The following MCF2L2 variants were observed in gnomAD, a reference collection of about 807,000 sequenced individuals.
MCF2L2 encodes MCF.2 cell line derived transforming sequence-like 2.
A neutral mutation model predicts 150.2 loss-of-function variants in MCF2L2; 102 were observed. That is an observed-to-expected ratio of 0.68 (90% CI 0.58 to 0.80). The LOEUF (loss-of-function observed/expected upper bound fraction) is 0.80. Ranked by LOEUF, MCF2L2 falls within the 30% of genes least tolerant of loss-of-function variation. MCF2L2 has a pLI of 0.00. For missense variants in MCF2L2, 1,256 were observed against 1,372.8 expected, an observed-to-expected ratio of 0.91 and a Z score of 1.34; for synonymous variants, 465 against 491.3, an observed-to-expected ratio of 0.95 and a Z score of 0.71.
At chr3:183,358,945 A>AC (rs1711957487) in intron 3 of MCF2L2, among the ~76,000 whole-genome samples, 1 of 152,044 alleles carries the variant, frequency 6.6e-6, no homozygotes, top group Non-Finnish European at 1.5e-5. Context: ...AAAAGATAAC[A>AC]TTAAATGTTA....
intron 26 of MCF2L2, among the ~76,000 whole-genome samples, chr3:183,193,670 C>T (rs1001374249): frequency 2.0e-5 from 3 of 152,186 alleles, no homozygotes; most frequent in Admixed American, 2.0e-4. Context: ...GGAATAATCC[C>T]CTTTGTCTTC....
intron 15 of MCF2L2, among the ~76,000 whole-genome samples, chr3:183,262,905 C>T: frequency 6.6e-6 from 1 of 151,778 alleles, no homozygotes; most frequent in East Asian, 1.9e-4. Context: ...CTGGAGGTGT[C>T]ATAGGAACAG....
intron 3 of MCF2L2, among the ~76,000 whole-genome samples, chr3:183,364,595 A>T (rs1424981304): frequency 6.6e-6 from 1 of 152,162 alleles, no homozygotes; most frequent in Non-Finnish European, 1.5e-5. Flanking sequence ...TCTAATTAGT[A>T]AATCAAATTC....
At position 183,226,649 on chromosome 3, in the gene MCF2L2, T is replaced by C. The variant is rs192526301; in HGVS notation, c.2115+1648A>G. On this transcript the variant is annotated intron_variant, in intron 18 of 29. Transcript: ENST00000328913. The stretch of plus-strand genomic sequence containing the variant: ...TAATAATTCTCTGACAATTTCCTCA[T>C]ATTTGAACAATTTGATAATATCCAC... 7 of 152,360 alleles carry C rather than the reference T, an allele frequency of 4.6e-5. No homozygotes were observed. In the East Asian group the frequency reaches 1.2e-3, roughly 25 times the overall value. 9.4% of individuals were successfully genotyped at this position (152,360 alleles called of 1,614,324 possible).
At chr3:183,427,789 C>A in intron 1 of MCF2L2, 113 bp downstream of exon 1, 1 of 916,978 alleles carries the variant, frequency 1.1e-6, no homozygotes, top group East Asian at 2.5e-5. Context: ...CGGGCAACCC[C>A]CCAGGAAGCG....
intron 15 of MCF2L2, among the ~76,000 whole-genome samples, chr3:183,249,148 C>T (rs963623523): frequency 2.6e-5 from 4 of 152,240 alleles, no homozygotes; most frequent in Admixed American, 2.6e-4. Flanking sequence ...CACTCCCTCA[C>T]TCAATTTGCA....
intron 3 of MCF2L2, chr3:183,373,773 C>T (rs2872603): frequency 0.24 from 36,665 of 152,036 alleles, 9,535 homozygotes; most frequent in African/African-American, 0.66. Context: ...CAGTTGAGGT[C>T]GAGAACCATT....
chr3:183,339,551 A>C (rs1050613824), intron 4 of MCF2L2, among the ~76,000 whole-genome samples: 3 of 152,230 alleles, frequency 2.0e-5, no homozygotes, highest in Non-Finnish European at 4.4e-5. Context: ...GAGTCGTAAA[A>C]TAATTACTGA....
chr3:183,201,127 T>C (rs145246396), intron 25 of MCF2L2, among the ~76,000 whole-genome samples: 153 of 152,324 alleles, frequency 1.0e-3, no homozygotes, highest in African/African-American at 3.5e-3. Flanking sequence ...TGGTTCCATA[T>C]GAACTTTAAA....
At chr3:183,406,634 G>A (rs1270911855) in intron 1 of MCF2L2, among the ~76,000 whole-genome samples, 1 of 151,958 alleles carries the variant, frequency 6.6e-6, no homozygotes, top group Non-Finnish European at 1.5e-5. Flanking sequence ...GATTACAGGC[G>A]CCTGCCACCA....
At chr3:183,247,237 G>A (rs1724299083) in intron 15 of MCF2L2, among the ~76,000 whole-genome samples, 1 of 152,196 alleles carries the variant, frequency 6.6e-6, no homozygotes, top group South Asian at 2.1e-4. Context: ...GAGCATGAAT[G>A]TCAGTCCATT....
chr3:183,346,454 C>A lies in MCF2L2; in HGVS notation c.276-4824G>T, dbSNP rs796819242. Among the ~76,000 whole-genome samples, 7 of 152,300 alleles carry A rather than the reference C, an allele frequency of 4.6e-5. 1 individual carries two copies. Among genetic ancestry groups the A allele is most frequent in the African/African-American group, 1.7e-4 (7 of 41,580 alleles). On this transcript the variant is annotated intron_variant, in intron 3 of 29. Coordinates refer to ENST00000328913, the MANE Select transcript of MCF2L2 (RefSeq NM_015078.4). ...TTTATGACAAACCCACAGCCAATAT[C>A]ATACTGAATGGGCAAAGCTGGAAGC...
chr3:183,389,086 C>G (rs1001173923), intron 2 of MCF2L2, among the ~76,000 whole-genome samples: 2 of 152,106 alleles, frequency 1.3e-5, no homozygotes, highest in African/African-American at 4.8e-5. Context: ...TTGGCATGTA[C>G]TTCTAGTTTT....
intron 1 of MCF2L2, among the ~76,000 whole-genome samples, chr3:183,424,874 CAG>C (rs1384485558): frequency 1.3e-5 from 2 of 152,252 alleles, no homozygotes; most frequent in African/African-American, 4.8e-5. Flanking sequence ...CATAATGGGA[CAG>C]AGCCAAAGAA....
rs1246809102 is a variant in MCF2L2, at chr3:183,373,602, C to G, written c.275+5695G>C. ...TCACCATAGCTTCTCCCTATCCGCT[C>G]CTAGCACAGACACTCTCATCCCTGG... On this transcript the variant is annotated intron_variant, in intron 3 of 29. Transcript: ENST00000328913. The G allele has an allele frequency of 2.0e-5, 3 of 152,090 alleles. No homozygotes were observed. In the East Asian group the frequency reaches 5.8e-4, roughly 29 times the overall value. The allele number at this position is 152,090 out of a possible 1,614,324, so 9.4% of individuals were successfully genotyped here. A position where few individuals can be genotyped will look rare whatever the true frequency, so the allele number is the denominator to read the frequency against.
intron 7 of MCF2L2, among the ~76,000 whole-genome samples, chr3:183,317,056 C>G (rs1386948569): frequency 6.6e-6 from 1 of 152,094 alleles, no homozygotes; most frequent in Non-Finnish European, 1.5e-5. Flanking sequence ...TAATGGTGTT[C>G]CCTGTCACAT....
At chr3:183,311,424 A>C (rs879161221) in intron 8 of MCF2L2, among the ~76,000 whole-genome samples, 1 of 152,208 alleles carries the variant, frequency 6.6e-6, no homozygotes, top group Admixed American at 6.5e-5. Flanking sequence ...GGGTGGGAAC[A>C]TGTCATATAC....
At chr3:183,215,145 G>A (rs943474595) in intron 22 of MCF2L2, among the ~76,000 whole-genome samples, 8 of 152,082 alleles carry the variant, frequency 5.3e-5, no homozygotes, top group Admixed American at 4.6e-4. Flanking sequence ...CTCCAAAAAG[G>A]AAAGGAAACA....
chr3:183,388,260 C>T (rs1445186408), intron 2 of MCF2L2, among the ~76,000 whole-genome samples: 1 of 152,192 alleles, frequency 6.6e-6, no homozygotes, highest in Admixed American at 6.5e-5. Context: ...GAGCTTTAGT[C>T]TAAGGCTCTA....
Sources: allele counts gnomAD v4.1 joint callset (sites outside exome capture counted in the v4.1 genomes callset), GRCh38; gene constraint gnomAD v4.1.1; transcripts MANE v1.5; gene names NCBI Gene and HGNC (gene_info 2026-07-23, HGNC 2026-07-21).